Variants in EML5 observed in about 807,000 individuals in gnomAD.
EML5 encodes the protein echinoderm microtubule-associated protein-like 5.
EML5 carries 120 observed loss-of-function variants against 250.0 expected under a neutral mutation model. The ratio of observed to expected loss-of-function variants is 0.48; its 90% CI spans 0.41 to 0.56. The LOEUF is 0.56. EML5 is among the 20% of genes least tolerant of loss of function. EML5 has a pLI of 0.00. For missense variants in EML5, 2,006 were observed against 2,437.6 expected, an observed-to-expected ratio of 0.82 and a Z score of 3.73; for synonymous variants, 771 against 806.5, an observed-to-expected ratio of 0.96 and a Z score of 0.75.
At chr14:88,665,274 T>C (rs768652369) in intron 22 of EML5, 63 bp downstream of exon 22, 15 of 1,477,134 alleles carry the variant, frequency 1.0e-5, no homozygotes, top group East Asian at 4.9e-5. Context: ...AAATTATACA[T>C]TGATACATTT....
In EML5 at chr14:88,698,376, C is replaced by A. The variant is rs560883577; in HGVS notation, c.2239-1424G>T. Among the ~76,000 whole-genome samples, 4 of 151,428 alleles carry A rather than the reference C, an allele frequency of 2.6e-5. No individual in the cohort carries two copies. In the East Asian group the frequency reaches 7.9e-4, roughly 30 times the overall value. On this transcript the variant is annotated intron_variant, in intron 14 of 43. Coordinates refer to ENST00000554922, the MANE Select transcript of EML5 (RefSeq NM_183387.3). ...CGCCTCCCAGGCTCAAGTGATCCTC[C>A]TTGTCTCAACTTCCCAAGTAGCTGG...
At chr14:88,690,045 A>C (rs905245860) in intron 17 of EML5, among the ~76,000 whole-genome samples, 1 of 152,182 alleles carries the variant, frequency 6.6e-6, no homozygotes, top group African/African-American at 2.4e-5. Flanking sequence ...AGCAAGAGCA[A>C]GCCATGCTAG....
chr14:88,646,982 A>G, intron 28 of EML5, 27 bp from the exon 29 acceptor site: 1 of 1,588,572 alleles, frequency 6.3e-7, no homozygotes, highest in Admixed American at 1.7e-5. Flanking sequence ...AAAGAGGGAA[A>G]AAGATTACAA....
intron 1 of EML5, among the ~76,000 whole-genome samples, chr14:88,790,178 C>A (rs1047506004): frequency 6.6e-6 from 1 of 152,110 alleles, no homozygotes; most frequent in Non-Finnish European, 1.5e-5. Flanking sequence ...TCACTGATTC[C>A]TAAATTATAT....
chr14:88,761,983 T>A (rs1202373640), intron 1 of EML5, among the ~76,000 whole-genome samples: 1 of 152,222 alleles, frequency 6.6e-6, no homozygotes, highest in African/African-American at 2.4e-5. Context: ...TCTGCATAAA[T>A]GTCTTCTTTT....
chr14:88,648,730 C>CTATCCAAG (rs2091473450), intron 28 of EML5, among the ~76,000 whole-genome samples: 1 of 152,100 alleles, frequency 6.6e-6, no homozygotes, highest in South Asian at 2.1e-4. Flanking sequence ...CCATTATAAA[C>CTATCCAAG]TATCCAAGTC....
At chr14:88,717,602 A>G (rs2093518927) in intron 8 of EML5, among the ~76,000 whole-genome samples, 2 of 152,144 alleles carry the variant, frequency 1.3e-5, no homozygotes, top group South Asian at 4.1e-4. Context: ...AAAAATACAA[A>G]AAATTAGCCA....
At chr14:88,649,994 AT>A in intron 27 of EML5, 68 bp from the exon 28 acceptor site, 2 of 1,163,248 alleles carry the variant, frequency 1.7e-6, no homozygotes, top group South Asian at 4.5e-5. Context: ...AGAATACAGC[AT>A]TTTAGCAAAC....
In EML5 at chr14:88,616,846, G is replaced by A; in HGVS notation, c.5676C>T (p.Ser1892=). The change falls in exon 42 of 44, where the codon TCC becomes TCT. Residue 1892 remains serine (S), a synonymous_variant. Transcript: ENST00000554922. ...ILGDEVLGIW[S]RHAEKADVNC... is the part of the protein sequence containing the mutation. ...TGACATCAGCTTTCTCAGCATGTCT[G>A]GACCAGATTCCCAAAACCTCATCTC... 6.2e-7 allele frequency: 1 copy of A among 1,613,832 alleles called. No homozygotes were observed. The highest frequency in any genetic ancestry group is 8.5e-7 in the Non-Finnish European group (1 of 1,179,832).
At chr14:88,688,235 A>G in intron 18 of EML5, 36 bp downstream of exon 18, 1 of 1,610,534 alleles carries the variant, frequency 6.2e-7, no homozygotes, top group African/African-American at 1.3e-5. Context: ...TCCAGGACAA[A>G]TTTTGTTTAA....
At chr14:88,752,183 C>T (rs1293126742) in intron 2 of EML5, among the ~76,000 whole-genome samples, 2 of 152,068 alleles carry the variant, frequency 1.3e-5, no homozygotes, top group Non-Finnish European at 2.9e-5. Flanking sequence ...AAGCTATGGG[C>T]ATGATTTCTC....
chr14:88,747,729 A>C (rs2094027835), intron 2 of EML5, among the ~76,000 whole-genome samples: 1 of 152,206 alleles, frequency 6.6e-6, no homozygotes, highest in South Asian at 2.1e-4. Context: ...TAAGTTAAAA[A>C]TTCAATGGAA....
rs1443877830 is a variant in EML5, at chr14:88,614,995, C to CT, written c.*822dup. The CT allele has an allele frequency of 1.3e-5, 2 of 152,154 alleles. No individual in the cohort carries two copies. The highest frequency in any genetic ancestry group is 2.9e-5 in the Non-Finnish European group (2 of 68,006). The allele number at this position is 152,154 out of a possible 1,614,324, so 9.4% of individuals were successfully genotyped here. A position where few individuals can be genotyped will look rare whatever the true frequency, so the allele number is the denominator to read the frequency against. The stretch of plus-strand genomic sequence containing the variant: ...ATTAGACTACATTAAATATGCAATT[C>CT]TTTCTTCCAGTTAAATACTGTTGCT... On this transcript the variant is annotated 3_prime_UTR_variant, in exon 44 of 44. Coordinates refer to ENST00000554922, the MANE Select transcript of EML5 (RefSeq NM_183387.3).
At chr14:88,626,561 G>T (rs2089970718) in intron 35 of EML5, 1 of 374,188 alleles carries the variant, frequency 2.7e-6, no homozygotes, top group Non-Finnish European at 4.9e-6. Flanking sequence ...AGGCTACAGT[G>T]AGCTATAATC....
rs749049380 is a variant in EML5 at position 88,714,998 on chromosome 14, T to C, written c.1385A>G (p.Asp462Gly). 6.2e-7 allele frequency: 1 copy of C among 1,613,870 alleles called. No individual in the cohort carries two copies. Among genetic ancestry groups the C allele is most frequent in the East Asian group, 2.2e-5 (1 of 44,846 alleles). Residue 462 changes from aspartate (D) to glycine (G), a missense_variant, in exon 9 of 44, where the codon GAC becomes GGC. By Grantham distance (94) the Asp-to-Gly change is moderately conservative (BLOSUM62 -1). Coordinates refer to ENST00000554922, the MANE Select transcript of EML5 (RefSeq NM_183387.3). ...SFITHLDWSSDSRYLQTNDGN... is the reference protein window; with the variant it reads ...SFITHLDWSSGSRYLQTNDGN... Reference sequence around the variant, plus strand: ...ATCATTTGTCTGCAAATATCTACTGTCTGAAGACCAGTCCAGATGAGTGAT... The same window carrying C: ...ATCATTTGTCTGCAAATATCTACTGCCTGAAGACCAGTCCAGATGAGTGAT...
chr14:88,758,858 A>G lies in EML5; in HGVS notation c.198-4187T>C, dbSNP rs554991171. 2.0e-5 allele frequency among the ~76,000 whole-genome samples: 3 copies of G among 152,342 alleles called. 1 individual carries two copies. The highest frequency in any genetic ancestry group is 7.2e-5 in the African/African-American group (3 of 41,592). On this transcript the variant is annotated intron_variant, in intron 1 of 43. Coordinates refer to ENST00000554922, the MANE Select transcript of EML5 (RefSeq NM_183387.3). The stretch of plus-strand genomic sequence containing the variant: ...ATAAAGCATTAATACATGCTACAAC[A>G]TGGATGAACCTTGAAAACATTACGC...
At chr14:88,706,796 G>A (rs375167655) in intron 10 of EML5, among the ~76,000 whole-genome samples, 1 of 152,114 alleles carries the variant, frequency 6.6e-6, no homozygotes. Flanking sequence ...AGCAGCCAGA[G>A]GATCCTTTTA....
intron 9 of EML5, among the ~76,000 whole-genome samples, chr14:88,713,995 G>T (rs2093449220): frequency 2.0e-5 from 3 of 151,430 alleles, no homozygotes. Flanking sequence ...ATACCACCAT[G>T]CCTGGCTAGT....
intron 6 of EML5, among the ~76,000 whole-genome samples, chr14:88,738,647 T>C (rs964141331): frequency 5.3e-5 from 8 of 152,216 alleles, no homozygotes; most frequent in African/African-American, 1.7e-4. Context: ...GGTCCCATTA[T>C]AATAGATATT....
Sources: allele counts gnomAD v4.1 joint callset (sites outside exome capture counted in the v4.1 genomes callset), GRCh38; gene constraint gnomAD v4.1.1; transcripts MANE v1.5; gene names NCBI Gene and HGNC (gene_info 2026-07-23, HGNC 2026-07-21).